Variants in BMERB1 observed in about 807,000 individuals in gnomAD.
BMERB1 encodes the protein bMERB domain containing 1, also known as bMERB domain-containing protein 1.
BMERB1 carries 12 observed loss-of-function variants against 23.6 expected under a neutral mutation model. That is an observed-to-expected ratio of 0.51 (90% CI 0.33 to 0.82). The LOEUF is 0.82. BMERB1 is among the 40% of genes least tolerant of loss of function. The pLI is 0.03. For missense variants in BMERB1, 247 were observed against 255.4 expected, an observed-to-expected ratio of 0.97 and a Z score of 0.22; for synonymous variants, 122 against 96.6, an observed-to-expected ratio of 1.26 and a Z score of -1.54.
chr16:15,531,646 T>C (rs1416962519), intron 2 of BMERB1, among the ~76,000 whole-genome samples: 1 of 152,160 alleles, frequency 6.6e-6, no homozygotes, highest in Non-Finnish European at 1.5e-5. Flanking sequence ...TCATCATTTT[T>C]TTGAAATCTC....
intron 1 of BMERB1, among the ~76,000 whole-genome samples, chr16:15,489,132 G>A (rs796215117): frequency 3.0e-4 from 46 of 152,264 alleles, no homozygotes; most frequent in African/African-American, 2.4e-4. Flanking sequence ...GAATCTGAAC[G>A]GGAAGGGAAC....
chr16:15,478,160 A>G (rs2051288730), intron 1 of BMERB1, among the ~76,000 whole-genome samples: 1 of 151,088 alleles, frequency 6.6e-6, no homozygotes, highest in African/African-American at 2.4e-5. Flanking sequence ...CTTTTTCTCT[A>G]GTTTTTAATT....
intron 1 of BMERB1, among the ~76,000 whole-genome samples, chr16:15,461,774 A>G (rs1408719860): frequency 6.6e-6 from 1 of 152,008 alleles, no homozygotes; most frequent in African/African-American, 2.4e-5. Context: ...TACAAAAACA[A>G]AACACAAAAA....
At chr16:15,551,613 A>C (rs535117978) in intron 2 of BMERB1, among the ~76,000 whole-genome samples, 1 of 151,662 alleles carries the variant, frequency 6.6e-6, no homozygotes, top group South Asian at 2.1e-4. Context: ...GTTCAAGAGA[A>C]CTCCTTGGGG....
intron 1 of BMERB1, among the ~76,000 whole-genome samples, chr16:15,503,792 T>C (rs886195293): frequency 1.3e-5 from 2 of 152,144 alleles, no homozygotes; most frequent in Non-Finnish European, 1.5e-5. Context: ...CAATTAGTGA[T>C]AGAGCCAGGG....
At chr16:15,520,147 G>A (rs1447507115) in intron 2 of BMERB1, among the ~76,000 whole-genome samples, 1 of 152,104 alleles carries the variant, frequency 6.6e-6, no homozygotes, top group African/African-American at 2.4e-5. Context: ...ATTGAGGTCG[G>A]AGAGGCAAAG....
At chr16:15,468,135 CTTTTTTTTTT>C (rs749534588) in intron 1 of BMERB1, among the ~76,000 whole-genome samples, 20 of 31,044 alleles carry the variant, frequency 6.4e-4, no homozygotes, top group South Asian at 1.2e-3. Context: ...CTTTCTTCTT[CTTTTTTTTTT>C]TTTTTTTTTT....
intron 4 of BMERB1, 147 bp from the exon 5 acceptor site, chr16:15,583,009 T>C (rs541542985): frequency 5.3e-5 from 36 of 683,108 alleles, no homozygotes; most frequent in East Asian, 4.8e-4. Context: ...ATACAACATA[T>C]ACATACTGTA....
At chr16:15,523,403 C>G (rs1256451729) in intron 2 of BMERB1, among the ~76,000 whole-genome samples, 1 of 152,150 alleles carries the variant, frequency 6.6e-6, no homozygotes, top group Non-Finnish European at 1.5e-5. Flanking sequence ...AAATGCCTGT[C>G]CTCACCTAGG....
chr16:15,550,579 C>G (rs1249053843), intron 2 of BMERB1, among the ~76,000 whole-genome samples: 1 of 151,038 alleles, frequency 6.6e-6, no homozygotes, highest in Non-Finnish European at 1.5e-5. Context: ...CTCAAGTGAT[C>G]TGCCTGCCTC....
chr16:15,518,099 A>G (rs956659282), intron 2 of BMERB1, among the ~76,000 whole-genome samples: 27 of 152,168 alleles, frequency 1.8e-4, no homozygotes, highest in African/African-American at 6.5e-4. Context: ...CACTTAGCCC[A>G]GGCTTAAGGA....
chr16:15,558,726 T>C (rs953961805), intron 2 of BMERB1, among the ~76,000 whole-genome samples: 1 of 151,850 alleles, frequency 6.6e-6, no homozygotes, highest in Admixed American at 6.6e-5. Flanking sequence ...GGGTTAGGTA[T>C]ATATCATTTG....
intron 1 of BMERB1, among the ~76,000 whole-genome samples, chr16:15,456,972 C>G (rs888835149): frequency 6.6e-6 from 1 of 151,940 alleles, no homozygotes; most frequent in Non-Finnish European, 1.5e-5. Context: ...ATTACAGGCA[C>G]GCGCCACTAT....
intron 2 of BMERB1, among the ~76,000 whole-genome samples, chr16:15,535,928 T>C (rs574818454): frequency 2.7e-4 from 41 of 152,134 alleles, no homozygotes; most frequent in Non-Finnish European, 4.7e-4. Context: ...CAGACACTTA[T>C]AAAGCCCTCA....
chr16:15,531,444 A>G (rs1042200511), intron 2 of BMERB1, among the ~76,000 whole-genome samples: 5 of 152,180 alleles, frequency 3.3e-5, no homozygotes, highest in East Asian at 3.9e-4. Context: ...TCATTAGGAC[A>G]TGGATATCTT....
intron 1 of BMERB1, among the ~76,000 whole-genome samples, chr16:15,501,118 A>G (rs917866552): frequency 6.6e-6 from 1 of 152,076 alleles, no homozygotes; most frequent in Non-Finnish European, 1.5e-5. Flanking sequence ...TGTTAGTGAA[A>G]TTAATCTCGC....
At chr16:15,468,824 C>A (rs763218423) in intron 1 of BMERB1, among the ~76,000 whole-genome samples, 23 of 152,084 alleles carry the variant, frequency 1.5e-4, no homozygotes, top group Non-Finnish European at 2.9e-4. Context: ...TTACATTTTA[C>A]ACTAAGTCTG....
At chr16:15,534,685 G>A (rs975335672) in intron 2 of BMERB1, among the ~76,000 whole-genome samples, 1 of 152,166 alleles carries the variant, frequency 6.6e-6, no homozygotes, top group African/African-American at 2.4e-5. Flanking sequence ...TAAGGCAGTG[G>A]GGTGGTTTCC....
At chr16:15,518,187 A>G (rs1486731192) in intron 2 of BMERB1, among the ~76,000 whole-genome samples, 2 of 152,216 alleles carry the variant, frequency 1.3e-5, no homozygotes, top group Non-Finnish European at 2.9e-5. Flanking sequence ...GTCCTCATCT[A>G]GCCCATGAAT....
Sources: gnomAD v4.1 joint callset for allele counts (sites outside exome capture counted in the v4.1 genomes callset) on GRCh38, gnomAD v4.1.1 for gene constraint, MANE v1.5 for transcripts, NCBI Gene and HGNC (gene_info 2026-07-23, HGNC 2026-07-21) for gene names.